CALN1: variants seen among roughly 807,000 people sequenced by gnomAD.
CALN1 encodes the protein calneuron 1, also known as calcium-binding protein 8.
In CALN1, 17 loss-of-function variants were observed where a neutral mutation model predicts 30.6. The ratio of observed to expected loss-of-function variants is 0.56; its 90% CI spans 0.38 to 0.83. The LOEUF is 0.83. Ranked by LOEUF, CALN1 falls within the 40% of genes least tolerant of loss-of-function variation. The pLI, the probability that CALN1 is intolerant of heterozygous loss-of-function variation, is 0.00. For missense variants in CALN1, 291 were observed against 354.9 expected (o/e 0.82, Z 1.45); for synonymous variants, 156 against 131.4 (o/e 1.19, Z -1.28).
At chr7:72,167,937 C>T (rs576059061) in intron 3 of CALN1, among the ~76,000 whole-genome samples, 5 of 152,254 alleles carry the variant, frequency 3.3e-5, no homozygotes, top group East Asian at 1.9e-4. Context: ...AAGCAGGATA[C>T]GGAAGATAGA....
intron 1 of CALN1, among the ~76,000 whole-genome samples, chr7:72,405,047 A>G: frequency 6.6e-6 from 1 of 152,140 alleles, no homozygotes; most frequent in East Asian, 1.9e-4. Flanking sequence ...GGGTGCCCCA[A>G]CCTCCGAGGT....
At position 72,108,959 on chromosome 7, in the gene CALN1, T is replaced by C. The variant is rs564427232; in HGVS notation, c.245-2665A>G. ...CCAAGTTATCTCCCTTTCTGCTGACTGTTCACAGCAGGTCATTCATTCCTT... is the reference window on the plus strand; with the variant it reads ...CCAAGTTATCTCCCTTTCTGCTGACCGTTCACAGCAGGTCATTCATTCCTT... On this transcript the variant is annotated intron_variant, in intron 3 of 6. Transcript: ENST00000395275. Among the ~76,000 whole-genome samples, 251 of 152,326 alleles carry C rather than the reference T, an allele frequency of 1.6e-3. 8 individuals carry two copies. In the South Asian group the frequency reaches 0.051, roughly 31 times the overall value.
chr7:72,458,146 A>AATATATTTATATATATATTTC, the CALN1 span, among the ~76,000 whole-genome samples: 1 of 135,818 alleles, frequency 7.4e-6, no homozygotes. Flanking sequence ...ATATATATTT[A>AATATATTTATATATATATTTC]ATATATTTAT....
intron 3 of CALN1, among the ~76,000 whole-genome samples, chr7:72,196,143 C>T (rs560356122): frequency 7.9e-5 from 12 of 151,474 alleles, no homozygotes; most frequent in African/African-American, 2.7e-4. Context: ...GACAGGGTCT[C>T]GCTTTGTCAC....
chr7:72,143,904 A>C (rs1423847581), intron 3 of CALN1, among the ~76,000 whole-genome samples: 1 of 152,174 alleles, frequency 6.6e-6, no homozygotes, highest in Non-Finnish European at 1.5e-5. Context: ...GAAATAAAAT[A>C]CTTTACAGAC....
chr7:71,892,390 A>ACTTT (rs1793292031), intron 5 of CALN1, among the ~76,000 whole-genome samples: 1 of 152,174 alleles, frequency 6.6e-6, no homozygotes, highest in Non-Finnish European at 1.5e-5. Flanking sequence ...TAATCCCAGC[A>ACTTT]CTTTGGGAGG....
intron 3 of CALN1, among the ~76,000 whole-genome samples, chr7:72,122,359 G>C (rs1283592712): frequency 6.6e-6 from 1 of 152,086 alleles, no homozygotes; most frequent in African/African-American, 2.4e-5. Context: ...AGAAACTAGA[G>C]AAAAAGTGAA....
At chr7:72,335,751 A>G (rs995731840) in intron 2 of CALN1, among the ~76,000 whole-genome samples, 19 of 152,206 alleles carry the variant, frequency 1.2e-4, no homozygotes, top group African/African-American at 4.3e-4. Flanking sequence ...GAGCAGTGGG[A>G]AACGATGGTG....
chr7:71,847,847 G>GAGAAGAAGAAGGAGA (rs1554353742), intron 5 of CALN1, among the ~76,000 whole-genome samples: 2 of 134,808 alleles, frequency 1.5e-5, no homozygotes, highest in African/African-American at 5.8e-5. Context: ...GAAGGAGAAG[G>GAGAAGAAGAAGGAGA]AGAAGAAGAA....
intron 5 of CALN1, among the ~76,000 whole-genome samples, chr7:71,950,003 CT>C (rs1796607758): frequency 6.6e-6 from 1 of 152,010 alleles, no homozygotes; most frequent in Non-Finnish European, 1.5e-5. Flanking sequence ...ACCTCATGAT[CT>C]GCCTGCCTCA....
intron 1 of CALN1, among the ~76,000 whole-genome samples, chr7:72,418,398 T>C (rs1179875784): frequency 1.3e-5 from 2 of 152,260 alleles, no homozygotes; most frequent in African/African-American, 4.8e-5. Context: ...TCCATGTCTT[T>C]GCTCTTGTGA....
chr7:72,429,915 GT>G lies in CALN1; in HGVS notation c.-226+17126del, dbSNP rs1192388725. Among the ~76,000 whole-genome samples the G allele has an allele frequency of 7.3e-5, 11 of 150,706 alleles. No individual in the cohort carries two copies. The East Asian group carries it at 1.9e-3, about 27-fold the overall frequency. On this transcript the variant is annotated intron_variant, in intron 1 of 6. Transcript: ENST00000395276. ...CTCACTGCAACCTCTGTCCCACTGG[GT>G]TCAAGTGATTCTCTTGCCTCTGCCT...
At chr7:72,056,418 T>TA (rs1325838637) in intron 4 of CALN1, among the ~76,000 whole-genome samples, 2 of 151,758 alleles carry the variant, frequency 1.3e-5, no homozygotes, top group African/African-American at 4.8e-5. Context: ...ATAATAAACA[T>TA]AAAAAATCGA....
rs1410162690 is a variant in CALN1 at position 71,800,121 on chromosome 7, G to A, written c.658+10215C>T. Among the ~76,000 whole-genome samples the A allele has an allele frequency of 5.3e-5, 8 of 152,354 alleles. No homozygotes were observed. The East Asian group carries it at 7.7e-4, about 15-fold the overall frequency. ...GTGAACCTGACAGCCCGACAGGAAC[G>A]CTGTGACTTCAGCGGGGAGGACTGA... On this transcript the variant is annotated intron_variant, in intron 6 of 6. Transcript: ENST00000395275.
Position 72,255,024 on chromosome 7 carries a change from C to T in CALN1, c.244+23662G>A, listed in dbSNP as rs181516180. Among the ~76,000 whole-genome samples the T allele has an allele frequency of 2.3e-3, 352 of 152,212 alleles. 1 individual carries two copies. The highest frequency in any genetic ancestry group is 4.2e-3 in the Non-Finnish European group (288 of 68,006). On this transcript the variant is annotated intron_variant, in intron 3 of 6. Coordinates refer to ENST00000395275, the MANE Select transcript of CALN1 (RefSeq NM_031468.4). Reference sequence around the variant, plus strand: ...GTCAGGCTGGTCTTTAACTCTTGACCTCATGATCCACCCACCTTGGCCTCT... The same window carrying T: ...GTCAGGCTGGTCTTTAACTCTTGACTTCATGATCCACCCACCTTGGCCTCT...
chr7:72,309,212 T>C (rs1799870924), intron 2 of CALN1, among the ~76,000 whole-genome samples: 1 of 152,132 alleles, frequency 6.6e-6, no homozygotes, highest in Non-Finnish European at 1.5e-5. Context: ...TCAGAACTCA[T>C]CCTGAGCCAG....
At position 72,209,438 on chromosome 7, in the gene CALN1, CTCCTTCCT is replaced by C. The variant is rs375561703; in HGVS notation, c.244+69240_244+69247del. On this transcript the variant is annotated intron_variant, in intron 3 of 6. Coordinates refer to ENST00000395275, the MANE Select transcript of CALN1 (RefSeq NM_031468.4). ...CTTCCCTCTTTCCTTCCCTCCTTCC[CTCCTTCCT>C]TCCTTACATCCTTTCTTCCTCCCTT... 1.2e-4 allele frequency among the ~76,000 whole-genome samples: 14 copies of C among 112,392 alleles called. 3 individuals are homozygous for C. The highest frequency in any genetic ancestry group is 3.0e-4 in the African/African-American group (7 of 23,300). The allele number at this position is 112,392 out of a possible 152,430, so 73.7% of individuals were successfully genotyped here.
intron 2 of CALN1, among the ~76,000 whole-genome samples, chr7:72,314,386 C>CAT (rs766420609): frequency 7.0e-6 from 1 of 143,502 alleles, no homozygotes; most frequent in Admixed American, 7.1e-5. Flanking sequence ...CATATATACA[C>CAT]ATATATATAC....
chr7:72,478,492 A>T, the CALN1 span, among the ~76,000 whole-genome samples: 1 of 151,746 alleles, frequency 6.6e-6, no homozygotes, highest in Non-Finnish European at 1.5e-5. Flanking sequence ...TGACTCCAGG[A>T]GGTCAAGGCT....
Sources: gnomAD v4.1 joint callset for allele counts (sites outside exome capture counted in the v4.1 genomes callset) on GRCh38, gnomAD v4.1.1 for gene constraint, MANE v1.5 for transcripts, NCBI Gene and HGNC (gene_info 2026-07-23, HGNC 2026-07-21) for gene names.